The following PCCB variants were observed in gnomAD, a reference collection of about 807,000 sequenced individuals.
PCCB encodes the protein propionyl-CoA carboxylase beta chain, mitochondrial.
PCCB carries 43 observed loss-of-function variants against 60.7 expected under a neutral mutation model. The observed-to-expected ratio is 0.71, with a 90% CI of 0.55 to 0.91. The LOEUF is 0.91. Ranked by LOEUF, PCCB falls within the 40% of genes least tolerant of loss-of-function variation. The pLI is 0.00. For missense variants in PCCB, 766 were observed against 702.8 expected (o/e 1.09, Z -1.02); for synonymous variants, 276 against 255.9 (o/e 1.08, Z -0.75).
At chr3:136,309,262 CAAAAAAA>C (rs1202774808) in intron 9 of PCCB, among the ~76,000 whole-genome samples, 1 of 47,012 alleles carries the variant, frequency 2.1e-5, no homozygotes, top group Admixed American at 2.3e-4. Context: ...GACTCCATCT[CAAAAAAA>C]AAAAAAAAAA....
chr3:136,276,950 C>T (rs1361110552), intron 5 of PCCB, among the ~76,000 whole-genome samples: 1 of 152,148 alleles, frequency 6.6e-6, no homozygotes, highest in East Asian at 1.9e-4. Flanking sequence ...GTAAGAATTC[C>T]TGAGAGCCAG....
intron 6 of PCCB, among the ~76,000 whole-genome samples, chr3:136,285,891 A>G (rs1202072612): frequency 2.6e-5 from 4 of 152,352 alleles, no homozygotes; most frequent in African/African-American, 9.6e-5. Flanking sequence ...ACCATTCTAC[A>G]TCTTAAATAT....
intron 5 of PCCB, among the ~76,000 whole-genome samples, chr3:136,272,597 G>T (rs1942229143): frequency 6.6e-6 from 1 of 151,992 alleles, no homozygotes; most frequent in Admixed American, 6.6e-5. Context: ...GTTTCCACGA[G>T]TTTATCCATT....
chr3:136,316,386 G>C (rs1012933075), intron 9 of PCCB, among the ~76,000 whole-genome samples: 2 of 151,970 alleles, frequency 1.3e-5, no homozygotes, highest in Non-Finnish European at 2.9e-5. Context: ...CATAATCTTG[G>C]CTTGCTGCAA....
chr3:136,268,061 T>TGTGC (rs1174316658), intron 5 of PCCB, among the ~76,000 whole-genome samples: 1 of 92,556 alleles, frequency 1.1e-5, no homozygotes, highest in Non-Finnish European at 2.4e-5. Context: ...TGTGTGTGTG[T>TGTGC]GTGCGTGTGT....
chr3:136,311,462 A>G (rs1315503603), intron 9 of PCCB, among the ~76,000 whole-genome samples: 1 of 152,054 alleles, frequency 6.6e-6, no homozygotes, highest in Non-Finnish European at 1.5e-5. Context: ...CAATCCTCCC[A>G]CATTGCCAGG....
chr3:136,294,343 G>C (rs1258313649), intron 7 of PCCB, among the ~76,000 whole-genome samples: 2 of 152,022 alleles, frequency 1.3e-5, no homozygotes, highest in Non-Finnish European at 2.9e-5. Flanking sequence ...ACAGGATCCA[G>C]CTCTGTGGCC....
intron 5 of PCCB, among the ~76,000 whole-genome samples, chr3:136,266,540 A>C (rs543988436): frequency 1.3e-5 from 2 of 148,724 alleles, no homozygotes; most frequent in South Asian, 4.2e-4. Context: ...TCCTGCCTCA[A>C]CCTCCCAAAG....
chr3:136,324,288 CA>C (rs1333579551), intron 10 of PCCB, among the ~76,000 whole-genome samples: 1 of 152,024 alleles, frequency 6.6e-6, no homozygotes, highest in Non-Finnish European at 1.5e-5. Context: ...TCTTGAACAC[CA>C]GGAACTAAAA....
intron 3 of PCCB, chr3:136,259,292 C>A: frequency 2.1e-6 from 1 of 483,826 alleles, no homozygotes; most frequent in Non-Finnish European, 3.3e-6. Context: ...CATGGCAAAA[C>A]TGTCTCTAAT....
intron 9 of PCCB, among the ~76,000 whole-genome samples, chr3:136,313,320 T>C (rs1360953297): frequency 1.3e-5 from 2 of 152,222 alleles, no homozygotes; most frequent in Non-Finnish European, 2.9e-5. Context: ...TAAATGTAAA[T>C]TTTAAAATAA....
At chr3:136,261,355 AC>A (rs1191721367) in intron 4 of PCCB, among the ~76,000 whole-genome samples, 1 of 152,248 alleles carries the variant, frequency 6.6e-6, no homozygotes. Context: ...TGGGCCAGTC[AC>A]TTAACTTTTA....
At chr3:136,258,681 C>A (rs1165886856) in intron 3 of PCCB, among the ~76,000 whole-genome samples, 1 of 152,142 alleles carries the variant, frequency 6.6e-6, no homozygotes, top group East Asian at 1.9e-4. Flanking sequence ...TGTTTTCAGC[C>A]TCACCTTTTC....
chr3:136,281,542 C>T (rs1487244266), intron 5 of PCCB, among the ~76,000 whole-genome samples: 1 of 152,042 alleles, frequency 6.6e-6, no homozygotes, highest in Non-Finnish European at 1.5e-5. Flanking sequence ...CCCCCCACAG[C>T]TTTCTTTAGC....
chr3:136,315,435 G>A (rs1576351606), intron 9 of PCCB, among the ~76,000 whole-genome samples: 2 of 152,316 alleles, frequency 1.3e-5, no homozygotes, highest in East Asian at 3.9e-4. Context: ...GGAGGCTTAG[G>A]AGAATTGCTT....
chr3:136,259,037 C>A (rs767975198), intron 3 of PCCB: 3 of 690,098 alleles, frequency 4.3e-6, no homozygotes, highest in Non-Finnish European at 6.1e-6. Context: ...TTCTTAATTC[C>A]TAACTGTCTT....
intron 10 of PCCB, among the ~76,000 whole-genome samples, chr3:136,321,106 A>G (rs953629169): frequency 1.3e-5 from 2 of 152,164 alleles, no homozygotes; most frequent in Admixed American, 6.5e-5. Flanking sequence ...TTTTGTTAAC[A>G]TGGTGTATTA....
At chr3:136,259,357 C>T (rs543697717) in intron 3 of PCCB, 122 of 378,722 alleles carry the variant, frequency 3.2e-4, no homozygotes, top group African/African-American at 2.4e-3. Flanking sequence ...CCCAGCTACT[C>T]GGGAGGCTGA....
At chr3:136,268,088 A>ATATAGATATATATATATATG (rs1942067948) in intron 5 of PCCB, among the ~76,000 whole-genome samples, 3 of 7,458 alleles carry the variant, frequency 4.0e-4, no homozygotes, top group East Asian at 0.012. Flanking sequence ...GTGTGTGTAG[A>ATATAGATATATATATATATG]TATATATATA....
Sources: allele counts gnomAD v4.1 joint callset (sites outside exome capture counted in the v4.1 genomes callset), GRCh38; gene constraint gnomAD v4.1.1; transcripts MANE v1.5; gene names NCBI Gene and HGNC (gene_info 2026-07-23, HGNC 2026-07-21).